CCDC66: variants seen among roughly 807,000 people sequenced by gnomAD.
CCDC66 encodes the protein coiled-coil domain containing 66.
CCDC66 carries 133 observed loss-of-function variants against 128.3 expected under a neutral mutation model. That is an observed-to-expected ratio of 1.04 (90% confidence interval 0.90 to 1.20). CCDC66 has a LOEUF of 1.20. Ranked by LOEUF, CCDC66 falls within the 50% of genes most tolerant of loss-of-function variation. The pLI, the probability that CCDC66 is intolerant of heterozygous loss-of-function variation, is 0.00. For synonymous variants in CCDC66, 387 were observed against 357.0 expected, an observed-to-expected ratio of 1.08 and a Z score of -0.95; for missense variants, 1,126 against 1,075.5, an observed-to-expected ratio of 1.05 and a Z score of -0.66.
intron 10 of CCDC66, among the ~76,000 whole-genome samples, chr3:56,608,369 CG>C (rs563971829): frequency 2.2e-4 from 34 of 152,046 alleles, no homozygotes; most frequent in Admixed American, 2.6e-4. Flanking sequence ...TGTATTTTTC[CG>C]GGTCTTTATC....
intron 4 of CCDC66, chr3:56,565,208 A>C (rs2065635421): frequency 2.9e-6 from 1 of 346,696 alleles, no homozygotes; most frequent in Admixed American, 3.3e-5. Context: ...CGTCAAGGTA[A>C]TGAGTATTTA....
At chr3:56,565,856 C>T (rs554194513) in intron 4 of CCDC66, among the ~76,000 whole-genome samples, 13 of 152,032 alleles carry the variant, frequency 8.6e-5, no homozygotes, top group South Asian at 6.2e-4. Context: ...TTAGTAGAGA[C>T]GGGGTTTCAC....
At chr3:56,571,037 C>A in intron 6 of CCDC66, 144 bp from the exon 7 acceptor site, 1 of 527,642 alleles carries the variant, frequency 1.9e-6, no homozygotes, top group Non-Finnish European at 3.1e-6. Flanking sequence ...AAAAATTATT[C>A]TCCACTTTGT....
At chr3:56,557,370 C>A in intron 1 of CCDC66, 117 bp downstream of exon 1, 1 of 1,366,948 alleles carries the variant, frequency 7.3e-7, no homozygotes, top group Non-Finnish European at 9.9e-7. Flanking sequence ...TCCCAACCTG[C>A]GCCGCCGAGA....
intron 15 of CCDC66, 96 bp from the exon 16 acceptor site, chr3:56,619,175 C>T (rs968154100): frequency 1.9e-6 from 2 of 1,053,676 alleles, no homozygotes; most frequent in Admixed American, 2.9e-5. Context: ...GCCTGGGCAA[C>T]AGAGCGAGAC....
At chr3:56,557,503 C>T (rs571368189) in intron 1 of CCDC66, among the ~76,000 whole-genome samples, 1 of 152,226 alleles carries the variant, frequency 6.6e-6, no homozygotes, top group African/African-American at 2.4e-5. Flanking sequence ...CCTTTCGGTC[C>T]CTTATTTACC....
intron 7 of CCDC66, among the ~76,000 whole-genome samples, chr3:56,581,639 G>T (rs1282652413): frequency 6.6e-6 from 1 of 151,824 alleles, no homozygotes; most frequent in Non-Finnish European, 1.5e-5. Flanking sequence ...TAACAGTCAG[G>T]ACCCTCAGCT....
chr3:56,593,515 A>G lies in CCDC66; in HGVS notation c.1093A>G (p.Met365Val), dbSNP rs76868605. Reference protein sequence around the residue: ...SKGEEHDRWAMHFDSLKSYPG... With the variant: ...SKGEEHDRWAVHFDSLKSYPG... Reference sequence around the variant, plus strand: ...GGGTGAGGAACATGACAGATGGGCAATGCACTTTGATTCATTAAAGAGTTA... The same window carrying G: ...GGGTGAGGAACATGACAGATGGGCAGTGCACTTTGATTCATTAAAGAGTTA... Residue 365 changes from methionine to valine, a missense_variant, in exon 9 of 18, where the codon ATG (methionine) becomes GTG (valine). Met to Val is a conservative substitution (Grantham distance 21, BLOSUM62 1). Transcript: ENST00000394672. 1.1e-3 allele frequency: 1,775 copies of G among 1,614,212 alleles called. 25 individuals are homozygous for G. In the African/African-American group the frequency reaches 0.022, roughly 20 times the overall value.
intron 7 of CCDC66, among the ~76,000 whole-genome samples, chr3:56,574,526 T>G (rs1473382038): frequency 6.6e-6 from 1 of 151,806 alleles, no homozygotes; most frequent in Non-Finnish European, 1.5e-5. Context: ...CCACAACTAT[T>G]TATACTATTT....
chr3:56,561,415 G>GGT, intron 3 of CCDC66: 24 of 355,378 alleles, frequency 6.8e-5, no homozygotes, highest in South Asian at 5.4e-4. Context: ...TTGGACTTTT[G>GGT]ATTACTAGAC....
In CCDC66 at chr3:56,576,513, C is replaced by T. The variant is rs554984335; in HGVS notation, c.936+5211C>T. On this transcript the variant is annotated intron_variant, in intron 7 of 17. Coordinates refer to ENST00000394672, the MANE Select transcript of CCDC66 (RefSeq NM_001141947.3). ...TGTTGGTGTGCTGCACCCATTAACT[C>T]GTCATTTACATTAGATATACCTCCT... 5.5e-4 allele frequency among the ~76,000 whole-genome samples: 83 copies of T among 150,216 alleles called. 1 individual carries two copies. Among genetic ancestry groups the T allele is most frequent in the South Asian group, 2.3e-3 (11 of 4,736 alleles).
rs776526064 is a variant in CCDC66, at chr3:56,593,733, GAAAAC to G, written c.1315_1319del (p.Thr439LeufsTer15). 1.2e-5 allele frequency: 19 copies of G among 1,610,736 alleles called. No individual in the cohort carries two copies. The South Asian group carries it at 2.1e-4, about 18-fold the overall frequency. On this transcript the variant is annotated frameshift_variant, in exon 9 of 18. Coordinates refer to ENST00000394672, the MANE Select transcript of CCDC66 (RefSeq NM_001141947.3). LOFTEE classifies it high-confidence loss of function. Reference sequence around the variant, plus strand: ...AGGATGTGGTTATGGCAAACAGTAAGAAAACAAAGTAAGTTCATGCTTATGTATTT... The same window carrying G: ...AGGATGTGGTTATGGCAAACAGTAAGAAAGTAAGTTCATGCTTATGTATTT...
chr3:56,558,822 G>A (rs1238189219), intron 1 of CCDC66, 24 bp from the exon 2 acceptor site: 1 of 1,506,726 alleles, frequency 6.6e-7, no homozygotes, highest in South Asian at 1.2e-5. Flanking sequence ...AAAAATGAGA[G>A]ACAACTTTCT....
chr3:56,557,645 T>C (rs1281748859), intron 1 of CCDC66: 7 of 219,718 alleles, frequency 3.2e-5, no homozygotes, highest in Non-Finnish European at 3.6e-5. Flanking sequence ...TTTTGGAGTC[T>C]TGCAGAATGT....
chr3:56,619,264 TAAATAGG>T lies in CCDC66; in HGVS notation c.2379-6_2379del. 1 of 1,554,468 alleles carries T rather than the reference TAAATAGG, an allele frequency of 6.4e-7. No homozygotes were observed. The highest frequency in any genetic ancestry group is 8.7e-7 in the Non-Finnish European group (1 of 1,154,248). ...ACACAATTTTTTACTATTTTTTTTT[TAAATAGG>T]TCTCCATCATCACCAGTTCCAGTAG... On this transcript the variant is annotated splice_acceptor_variant and splice_polypyrimidine_tract_variant and coding_sequence_variant and intron_variant, in exon 16 of 18. Coordinates refer to ENST00000394672, the MANE Select transcript of CCDC66 (RefSeq NM_001141947.3). LOFTEE classifies it high-confidence loss of function.
At chr3:56,564,678 G>A (rs938281215) in intron 4 of CCDC66, among the ~76,000 whole-genome samples, 12 of 152,184 alleles carry the variant, frequency 7.9e-5, no homozygotes, top group Admixed American at 7.2e-4. Flanking sequence ...TCCTGGCATT[G>A]TATTGTGTTT....
intron 17 of CCDC66, chr3:56,621,219 C>T (rs1262443921): frequency 6.1e-5 from 12 of 196,632 alleles, no homozygotes; most frequent in Non-Finnish European, 3.1e-5. Context: ...GAGACTCCTT[C>T]AGTATCTAAG....
intron 4 of CCDC66, 33 bp downstream of exon 4, chr3:56,564,158 A>AT (rs754989007): frequency 9.3e-6 from 14 of 1,510,546 alleles, no homozygotes; most frequent in Non-Finnish European, 1.1e-5. Flanking sequence ...ATGAATTTTG[A>AT]TTTTTTCAAT....
intron 10 of CCDC66, among the ~76,000 whole-genome samples, chr3:56,612,199 T>A (rs1246195806): frequency 1.3e-5 from 2 of 152,272 alleles, no homozygotes; most frequent in Admixed American, 6.5e-5. Context: ...TGCTTTCATA[T>A]CTATGATGGT....
Sources: gnomAD v4.1 joint callset for allele counts (sites outside exome capture counted in the v4.1 genomes callset) on GRCh38, gnomAD v4.1.1 for gene constraint, MANE v1.5 for transcripts, NCBI Gene and HGNC (gene_info 2026-07-23, HGNC 2026-07-21) for gene names.